GRIA2: variants seen among roughly 807,000 people sequenced by gnomAD.
The protein encoded by GRIA2 is glutamate receptor 2.
GRIA2 carries 14 observed loss-of-function variants against 97.3 expected under a neutral mutation model. That is an observed-to-expected ratio of 0.14 (90% CI 0.10 to 0.23). GRIA2 has a LOEUF of 0.23. Ranked by LOEUF, GRIA2 falls within the 10% of genes least tolerant of loss-of-function variation. The pLI is 1.00. For synonymous variants in GRIA2, 412 were observed against 387.8 expected (o/e 1.06, Z -0.73); for missense variants, 558 against 1,069.8 (o/e 0.52, Z 6.67).
Position 157,358,367 on chromosome 4 carries a change from G to A in GRIA2, c.2044-1529G>A, listed in dbSNP as rs115496170. 4.2e-3 allele frequency among the ~76,000 whole-genome samples: 638 copies of A among 152,142 alleles called. 7 individuals are homozygous for A. The highest frequency in any genetic ancestry group is 0.015 in the African/African-American group (619 of 41,512). On this transcript the variant is annotated intron_variant, in intron 12 of 15. Coordinates refer to ENST00000264426, the MANE Select transcript of GRIA2 (RefSeq NM_001083619.3). ...AAGCTTCATGCTAAACATAGCTGGG[G>A]TCCTAGTAAAATTTTCACTCTCATA...
chr4:157,347,740 T>A (rs189218961), intron 12 of GRIA2, among the ~76,000 whole-genome samples: 1 of 152,316 alleles, frequency 6.6e-6, no homozygotes, highest in East Asian at 1.9e-4. Flanking sequence ...GAGAAGAGAA[T>A]AGAATTGTTC....
At chr4:157,342,893 A>G (rs1388740238) in intron 12 of GRIA2, among the ~76,000 whole-genome samples, 4 of 152,098 alleles carry the variant, frequency 2.6e-5, no homozygotes, top group Non-Finnish European at 5.9e-5. Context: ...TTGTTTGGAC[A>G]GTAGTAGTGT....
At chr4:157,359,239 A>G (rs1736529161) in intron 12 of GRIA2, among the ~76,000 whole-genome samples, 1 of 152,186 alleles carries the variant, frequency 6.6e-6, no homozygotes, top group South Asian at 2.1e-4. Flanking sequence ...TCTGTCACTG[A>G]TAAGAATGTT....
intron 3 of GRIA2, among the ~76,000 whole-genome samples, chr4:157,305,015 T>C (rs1461196234): frequency 6.6e-6 from 1 of 152,174 alleles, no homozygotes; most frequent in South Asian, 2.1e-4. Context: ...GGGAGTGCTT[T>C]GCTATTCCCA....
Position 157,227,138 on chromosome 4 carries a change from A to C in GRIA2, c.229+5331A>C, listed in dbSNP as rs778464536. Among the ~76,000 whole-genome samples, 145 of 152,166 alleles carry C rather than the reference A, an allele frequency of 9.5e-4. 1 individual carries two copies. Among genetic ancestry groups the C allele is most frequent in the Non-Finnish European group, 1.6e-3 (109 of 68,008 alleles). On this transcript the variant is annotated intron_variant, in intron 2 of 15. Transcript: ENST00000264426. ...GAAACTATAGAGGCTTAAATTAGTA[A>C]AAATTTATTCTTATGCTATGCTATT...
intron 2 of GRIA2, among the ~76,000 whole-genome samples, chr4:157,302,105 G>A (rs1320444951): frequency 6.6e-6 from 1 of 151,446 alleles, no homozygotes; most frequent in East Asian, 1.9e-4. Flanking sequence ...CCCGGGAGGC[G>A]GAGGTTGCAG....
rs529164356 is a variant in GRIA2 at position 157,274,692 on chromosome 4, T to C, written c.230-28860T>C. Among the ~76,000 whole-genome samples the C allele has an allele frequency of 2.5e-3, 387 of 151,894 alleles. 1 individual carries two copies. Among genetic ancestry groups the C allele is most frequent in the African/African-American group, 8.6e-3 (357 of 41,424 alleles). On this transcript the variant is annotated intron_variant, in intron 2 of 15. Transcript: ENST00000264426. Reference sequence around the variant, plus strand: ...TTCATCCATGTCCCTACAAAGGACATGAACTCATCATTTTTTAAGGCTGCA... The same window carrying C: ...TTCATCCATGTCCCTACAAAGGACACGAACTCATCATTTTTTAAGGCTGCA...
At chr4:157,277,890 G>A (rs550964131) in intron 2 of GRIA2, among the ~76,000 whole-genome samples, 2 of 75,714 alleles carry the variant, frequency 2.6e-5, no homozygotes, top group African/African-American at 5.8e-5. Flanking sequence ...ATGTATATAT[G>A]TATATATATA....
At chr4:157,329,656 C>T (rs936317805) in intron 6 of GRIA2, among the ~76,000 whole-genome samples, 49 of 151,868 alleles carry the variant, frequency 3.2e-4, no homozygotes, top group African/African-American at 1.1e-3. Flanking sequence ...ACTAGTTTTG[C>T]ATCAAGATAG....
chr4:157,328,196 A>G (rs979461496), intron 6 of GRIA2, among the ~76,000 whole-genome samples: 1 of 152,114 alleles, frequency 6.6e-6, no homozygotes, highest in Admixed American at 6.6e-5. Context: ...AATTTAATTC[A>G]GGGCATCTCA....
chr4:157,356,270 G>A (rs1736373825), intron 12 of GRIA2, among the ~76,000 whole-genome samples: 1 of 147,990 alleles, frequency 6.8e-6, no homozygotes, highest in Admixed American at 7.0e-5. Context: ...TGCGAAAGAG[G>A]TAGAAAATCA....
At chr4:157,333,542 AT>A (rs1200820658) in intron 8 of GRIA2, among the ~76,000 whole-genome samples, 189 bp downstream of exon 8, 1 of 151,954 alleles carries the variant, frequency 6.6e-6, no homozygotes, top group Non-Finnish European at 1.5e-5. Flanking sequence ...TTGAATTGTA[AT>A]TTTAAAAATA....
At chr4:157,355,952 T>TA (rs1355448176) in intron 12 of GRIA2, among the ~76,000 whole-genome samples, 270 of 2,246 alleles carry the variant, frequency 0.12, no homozygotes, top group Non-Finnish European at 0.28. Flanking sequence ...AATATATATT[T>TA]ATATATTTAT....
chr4:157,237,890 C>T (rs1272130927), intron 2 of GRIA2, among the ~76,000 whole-genome samples: 1 of 152,074 alleles, frequency 6.6e-6, no homozygotes. Flanking sequence ...ACTCGTTTTG[C>T]ATATTTCTTA....
Position 157,322,124 on chromosome 4 carries a change from T to C in GRIA2, c.882+525T>C, listed in dbSNP as rs573055825. 2.6e-4 allele frequency among the ~76,000 whole-genome samples: 39 copies of C among 152,136 alleles called. 1 individual carries two copies. In the South Asian group the frequency reaches 7.5e-3, roughly 29 times the overall value. ...CAAATAAATTAAAGAACAATAGGTG[T>C]CAGTTTGTTCCTAATCTTCAAAAAG... On this transcript the variant is annotated intron_variant, in intron 6 of 15. Transcript: ENST00000264426.
At chr4:157,322,238 AGAGAGT>A (rs1413465340) in intron 6 of GRIA2, among the ~76,000 whole-genome samples, 1 of 121,916 alleles carries the variant, frequency 8.2e-6, no homozygotes, top group South Asian at 3.0e-4. Flanking sequence ...AAAGAGAGAG[AGAGAGT>A]GTGTGTGTGT....
chr4:157,279,735 T>C (rs1261973033), intron 2 of GRIA2, among the ~76,000 whole-genome samples: 2 of 152,190 alleles, frequency 1.3e-5, no homozygotes, highest in Non-Finnish European at 2.9e-5. Context: ...TCAATGTATT[T>C]AGGAATAGAA....
At chr4:157,312,638 C>G (rs772874869) in intron 3 of GRIA2, 41 bp from the exon 4 acceptor site, 9 of 1,117,656 alleles carry the variant, frequency 8.1e-6, no homozygotes, top group Non-Finnish European at 1.2e-5. Flanking sequence ...CTGAGTTATT[C>G]ACGTATCTTT....
At chr4:157,258,013 TG>T (rs1731354968) in intron 2 of GRIA2, among the ~76,000 whole-genome samples, 1 of 152,128 alleles carries the variant, frequency 6.6e-6, no homozygotes. Flanking sequence ...TCACTATTCT[TG>T]TAATTTCCTA....
Sources: gnomAD v4.1 joint callset for allele counts (sites outside exome capture counted in the v4.1 genomes callset) on GRCh38, gnomAD v4.1.1 for gene constraint, MANE v1.5 for transcripts, NCBI Gene and HGNC (gene_info 2026-07-23, HGNC 2026-07-21) for gene names.